Variants in PROCR observed in about 807,000 individuals in gnomAD.
PROCR encodes endothelial protein C receptor.
PROCR carries 22 observed loss-of-function variants against 24.2 expected under a neutral mutation model. That is an observed-to-expected ratio of 0.91 (90% CI 0.65 to 1.30). PROCR has a LOEUF of 1.30. Ranked by LOEUF, PROCR falls within the 50% of genes most tolerant of loss-of-function variation. The pLI is 0.00. For missense variants in PROCR, 288 were observed against 307.7 expected (o/e 0.94, Z 0.48); for synonymous variants, 137 against 139.2 (o/e 0.98, Z 0.11).
chr20:35,187,914 T>C (rs1253601440), intron 1 of PROCR, among the ~76,000 whole-genome samples: 1 of 152,224 alleles, frequency 6.6e-6, no homozygotes, highest in African/African-American at 2.4e-5. Context: ...TTTTTGGGAA[T>C]GATCTTAGAA....
intron 1 of PROCR, among the ~76,000 whole-genome samples, chr20:35,200,266 A>T (rs990199469): frequency 6.6e-6 from 1 of 152,240 alleles, no homozygotes; most frequent in African/African-American, 2.4e-5. Flanking sequence ...AAGAAGTTCT[A>T]CTGTGGGTAA....
chr20:35,177,197 C>T lies in PROCR; in HGVS notation c.*384C>T. The stretch of plus-strand genomic sequence containing the variant: ...AAACAAGTCATCCACAATCAAAATA[C>T]AACATTCAATACTTCCAGGTGTGTC... On this transcript the variant is annotated 3_prime_UTR_variant, in exon 4 of 4. Transcript: ENST00000216968. The T allele has an allele frequency of 8.9e-7, 1 of 1,120,776 alleles. No homozygotes were observed. The highest frequency in any genetic ancestry group is 1.1e-6 in the Non-Finnish European group (1 of 908,516). The allele number at this position is 1,120,776 out of a possible 1,614,324, so 69.4% of individuals were successfully genotyped here. A position where few individuals can be genotyped will look rare whatever the true frequency, so the allele number is the denominator to read the frequency against.
chr20:35,184,575 C>CT (rs1191794097), intron 1 of PROCR, among the ~76,000 whole-genome samples: 1 of 152,154 alleles, frequency 6.6e-6, no homozygotes, highest in Admixed American at 6.6e-5. Flanking sequence ...TGGCGGGCGC[C>CT]TGTAGTCCCA....
At chr20:35,204,348 T>TCCTC (rs1236742255) in intron 1 of PROCR, among the ~76,000 whole-genome samples, 6 of 150,168 alleles carry the variant, frequency 4.0e-5, no homozygotes, top group African/African-American at 1.2e-4. Context: ...TTTCCTTCCT[T>TCCTC]CCTCCCTCCC....
intron 1 of PROCR, among the ~76,000 whole-genome samples, chr20:35,186,129 A>T (rs2086123807): frequency 6.6e-6 from 1 of 152,244 alleles, no homozygotes; most frequent in African/African-American, 2.4e-5. Context: ...TCACAGAAGC[A>T]TTATTCCTAA....
At chr20:35,214,555 G>C (rs1429924599) in intron 1 of PROCR, among the ~76,000 whole-genome samples, 4 of 151,864 alleles carry the variant, frequency 2.6e-5, no homozygotes, top group Admixed American at 1.3e-4. Context: ...TAGGCGTGGT[G>C]GTGGGCGCCT....
chr20:35,190,445 T>C (rs1206998714), intron 1 of PROCR, among the ~76,000 whole-genome samples: 1 of 152,206 alleles, frequency 6.6e-6, no homozygotes, highest in African/African-American at 2.4e-5. Flanking sequence ...TCCTTCTCTT[T>C]CCTCTCACAA....
upstream of PROCR, chr20:35,171,971 GAC>G (rs1426248851): frequency 2.4e-5 from 16 of 660,996 alleles, no homozygotes; most frequent in Non-Finnish European, 3.8e-5. Context: ...TAGGAAATGA[GAC>G]ACAGTAGAAA....
chr20:35,209,587 T>A (rs2060354235), intron 1 of PROCR, among the ~76,000 whole-genome samples: 1 of 151,992 alleles, frequency 6.6e-6, no homozygotes, highest in African/African-American at 2.4e-5. Context: ...ACTCCAGAAT[T>A]TAAAAGGTCA....
At chr20:35,189,356 C>T (rs571443347) in intron 1 of PROCR, among the ~76,000 whole-genome samples, 2 of 152,198 alleles carry the variant, frequency 1.3e-5, no homozygotes, top group Non-Finnish European at 2.9e-5. Flanking sequence ...TCTCCTGCAG[C>T]GTCCCCAGAC....
Position 35,174,963 on chromosome 20 carries a change from C to A in PROCR, c.322+10C>A. The A allele has an allele frequency of 2.4e-6, 3 of 1,261,640 alleles. No homozygotes were observed. Among genetic ancestry groups the A allele is most frequent in the Non-Finnish European group, 3.1e-6 (3 of 970,948 alleles). 78.2% of individuals were successfully genotyped at this position (1,261,640 alleles called of 1,614,324 possible). A position where few individuals can be genotyped will look rare whatever the true frequency, so the allele number is the denominator to read the frequency against. On this transcript the variant is annotated intron_variant, in intron 2 of 3. Coordinates refer to ENST00000216968, the MANE Select transcript of PROCR (RefSeq NM_006404.5). The stretch of plus-strand genomic sequence containing the variant: ...GAGCGGACCTTGGCCTGTGAGTAGG[C>A]GCGCAGCGGGGGCGGGGTCTGGGCG...
chr20:35,175,542 T>TA (rs1220814590), intron 2 of PROCR, among the ~76,000 whole-genome samples: 1 of 140,084 alleles, frequency 7.1e-6, no homozygotes, highest in Non-Finnish European at 1.5e-5. Context: ...TCATGGCCTT[T>TA]AACTCCTTTC....
At chr20:35,195,820 C>CAAAAA (rs58205912) in intron 1 of PROCR, among the ~76,000 whole-genome samples, 5 of 77,590 alleles carry the variant, frequency 6.4e-5, no homozygotes, top group Non-Finnish European at 1.2e-4. Flanking sequence ...GAGTCTGTCT[C>CAAAAA]AAAAAAAAAA....
chr20:35,208,177 G>A (rs2060349094), intron 1 of PROCR, among the ~76,000 whole-genome samples: 1 of 152,184 alleles, frequency 6.6e-6, no homozygotes, highest in Non-Finnish European at 1.5e-5. Context: ...AATGATCAGG[G>A]AGCAGAGATG....
intron 1 of PROCR, among the ~76,000 whole-genome samples, chr20:35,201,192 A>G (rs1484291916): frequency 3.3e-5 from 5 of 152,022 alleles, no homozygotes; most frequent in Admixed American, 3.3e-4. Flanking sequence ...CACAAAAGAT[A>G]TAGACAACCA....
At chr20:35,194,693 A>C (rs1156857476) in intron 1 of PROCR, among the ~76,000 whole-genome samples, 1 of 152,180 alleles carries the variant, frequency 6.6e-6, no homozygotes, top group Non-Finnish European at 1.5e-5. Flanking sequence ...CTGTAATATA[A>C]ATCACCATCT....
At chr20:35,173,391 G>T (rs1389228258) in intron 1 of PROCR, among the ~76,000 whole-genome samples, 1 of 151,272 alleles carries the variant, frequency 6.6e-6, no homozygotes, top group Non-Finnish European at 1.5e-5. Flanking sequence ...AACTGAGCTG[G>T]GTCTTTTTTT....
chr20:35,178,602 G>A (rs1225869860), downstream of PROCR, among the ~76,000 whole-genome samples: 2 of 88,090 alleles, frequency 2.3e-5, no homozygotes, highest in African/African-American at 9.6e-5. Flanking sequence ...TGCAAGCTCC[G>A]CCTCCCGGGT....
At chr20:35,198,012 C>T (rs770320298) in intron 1 of PROCR, among the ~76,000 whole-genome samples, 7 of 151,774 alleles carry the variant, frequency 4.6e-5, no homozygotes, top group African/African-American at 1.2e-4. Flanking sequence ...AGGCCAGGCG[C>T]GGTGGCTCAC....
Sources: allele counts gnomAD v4.1 joint callset (sites outside exome capture counted in the v4.1 genomes callset), GRCh38; gene constraint gnomAD v4.1.1; transcripts MANE v1.5; gene names NCBI Gene and HGNC (gene_info 2026-07-23, HGNC 2026-07-21).